Variants in DOCK7 observed in about 807,000 individuals in gnomAD.
DOCK7 encodes the protein dedicator of cytokinesis 7.
DOCK7 carries 138 observed loss-of-function variants against 271.0 expected under a neutral mutation model. The ratio of observed to expected loss-of-function variants is 0.51; its 90% CI spans 0.44 to 0.59. The LOEUF is 0.59. DOCK7 is among the 20% of genes least tolerant of loss of function. The pLI is 0.00. For missense variants in DOCK7, 2,066 were observed against 2,592.4 expected, an observed-to-expected ratio of 0.80 and a Z score of 4.41; for synonymous variants, 823 against 876.1, an observed-to-expected ratio of 0.94 and a Z score of 1.07.
chr1:62,466,875 G>A (rs563192215), intron 48 of DOCK7, among the ~76,000 whole-genome samples: 4 of 151,908 alleles, frequency 2.6e-5, no homozygotes, highest in African/African-American at 4.8e-5. Context: ...CCGAGATCGC[G>A]CCATTGCAAT....
rs1647241767 is a variant in DOCK7 at position 62,584,169 on chromosome 1, G to A, written c.1801-915C>T. On this transcript the variant is annotated intron_variant, in intron 15 of 49. Transcript: ENST00000635253. ...ATTGGCATCATCCTTAATTAGAAGG[G>A]CATATTAGCAGGTATTTCTGTTTCT... 12 of 983,762 alleles carry A rather than the reference G, an allele frequency of 1.2e-5. No homozygotes were observed. In the South Asian group the frequency reaches 5.6e-4, roughly 46 times the overall value. The allele number at this position is 983,762 out of a possible 1,614,324, so 60.9% of individuals were successfully genotyped here.
intron 10 of DOCK7, among the ~76,000 whole-genome samples, chr1:62,632,444 T>C (rs1248468386): frequency 6.6e-6 from 1 of 152,150 alleles, no homozygotes; most frequent in African/African-American, 2.4e-5. Flanking sequence ...AAATATCATG[T>C]GCTCAGATCT....
At chr1:62,581,687 A>C (rs1217257256) in intron 16 of DOCK7, among the ~76,000 whole-genome samples, 1 of 152,148 alleles carries the variant, frequency 6.6e-6, no homozygotes, top group African/African-American at 2.4e-5. Context: ...AATGAGGGTT[A>C]AGGGCAAAAC....
At chr1:62,645,704 A>G (rs1037952728) in intron 7 of DOCK7, among the ~76,000 whole-genome samples, 12 of 152,342 alleles carry the variant, frequency 7.9e-5, no homozygotes, top group African/African-American at 2.6e-4. Flanking sequence ...CTGAATATAC[A>G]CTGAGTGAAC....
intron 28 of DOCK7, among the ~76,000 whole-genome samples, chr1:62,536,107 T>TAA (rs1645337448): frequency 4.6e-5 from 7 of 152,194 alleles, no homozygotes; most frequent in African/African-American, 1.7e-4. Flanking sequence ...CATTTTGTTG[T>TAA]CTGAGTTTTT....
chr1:62,517,884 G>C (rs1157422518), intron 31 of DOCK7, among the ~76,000 whole-genome samples: 1 of 152,160 alleles, frequency 6.6e-6, no homozygotes, highest in Non-Finnish European at 1.5e-5. Flanking sequence ...TCTACAGAGT[G>C]ACGTAAAGGA....
At chr1:62,550,319 T>C (rs1200148125) in intron 22 of DOCK7, among the ~76,000 whole-genome samples, 2 of 152,074 alleles carry the variant, frequency 1.3e-5, no homozygotes. Context: ...AGAAGAGTAT[T>C]AGGCAGTAGA....
At chr1:62,507,560 C>T (rs1323158394) in intron 35 of DOCK7, among the ~76,000 whole-genome samples, 1 of 152,214 alleles carries the variant, frequency 6.6e-6, no homozygotes. Context: ...TAGGACCCAA[C>T]ACAATGATTA....
At chr1:62,469,597 C>T (rs749005158) in intron 48 of DOCK7, among the ~76,000 whole-genome samples, 6 of 152,122 alleles carry the variant, frequency 3.9e-5, no homozygotes, top group Non-Finnish European at 8.8e-5. Flanking sequence ...TTTTGTATGG[C>T]AAAAGGAACA....
intron 37 of DOCK7, among the ~76,000 whole-genome samples, chr1:62,503,973 G>A (rs1305101038): frequency 1.3e-5 from 2 of 151,562 alleles, no homozygotes; most frequent in African/African-American, 4.8e-5. Context: ...CGTGAACCCA[G>A]GAGGCGGAGC....
At chr1:62,600,658 GC>G (rs1482307373) in intron 14 of DOCK7, among the ~76,000 whole-genome samples, 1 of 151,674 alleles carries the variant, frequency 6.6e-6, no homozygotes, top group Non-Finnish European at 1.5e-5. Context: ...TATCAAGAAA[GC>G]CTGGTTCAAA....
At chr1:62,469,521 A>C (rs1289723094) in intron 48 of DOCK7, among the ~76,000 whole-genome samples, 1 of 152,228 alleles carries the variant, frequency 6.6e-6, no homozygotes, top group Non-Finnish European at 1.5e-5. Context: ...TTTCATGACC[A>C]AGAACTCAAA....
At chr1:62,641,964 G>C (rs1025141340) in intron 7 of DOCK7, among the ~76,000 whole-genome samples, 1 of 150,966 alleles carries the variant, frequency 6.6e-6, no homozygotes, top group African/African-American at 2.4e-5. Context: ...TGGATTGCCT[G>C]TTCTTTAATA....
chr1:62,495,802 G>T, intron 38 of DOCK7, 121 bp from the exon 39 acceptor site: 1 of 770,072 alleles, frequency 1.3e-6, no homozygotes, highest in Non-Finnish European at 2.0e-6. Flanking sequence ...GTAGGATACT[G>T]ATATGATTCT....
chr1:62,563,368 C>G (rs1406571986), intron 18 of DOCK7, among the ~76,000 whole-genome samples: 2 of 152,058 alleles, frequency 1.3e-5, no homozygotes, highest in Non-Finnish European at 2.9e-5. Flanking sequence ...CTAGGAAACT[C>G]TCAACTGAAA....
intron 15 of DOCK7, among the ~76,000 whole-genome samples, chr1:62,585,170 T>C (rs1039128489): frequency 2.6e-5 from 4 of 152,134 alleles, no homozygotes; most frequent in Non-Finnish European, 5.9e-5. Context: ...ATGTATTATA[T>C]GCAATAATCT....
intron 31 of DOCK7, among the ~76,000 whole-genome samples, chr1:62,525,397 CA>C (rs1455595957): frequency 1.3e-5 from 2 of 152,092 alleles, no homozygotes; most frequent in African/African-American, 2.4e-5. Flanking sequence ...TGAGAAAGGG[CA>C]TGCTAAGAAC....
In DOCK7 at chr1:62,477,691, A is replaced by G. The variant is rs1344383744; in HGVS notation, c.5634+9T>C. 1.3e-6 allele frequency: 2 copies of G among 1,592,618 alleles called. No individual in the cohort carries two copies. The highest frequency in any genetic ancestry group is 1.7e-6 in the Non-Finnish European group (2 of 1,172,296). On this transcript the variant is annotated intron_variant, in intron 44 of 49. Coordinates refer to ENST00000635253, the MANE Select transcript of DOCK7 (RefSeq NM_001367561.1). ...AAGATGACATTTTATGAACCACCAC[A>G]GCATTCACCTCCAATCTGTGAGATA...
At chr1:62,465,481 TA>T (rs60628704) in intron 48 of DOCK7, among the ~76,000 whole-genome samples, 144,523 of 149,688 alleles carry the variant, frequency 0.97, 69,935 homozygotes, top group East Asian at 1. Flanking sequence ...AAGAACACTG[TA>T]AAAAAAAAAA....
Sources: gnomAD v4.1 joint callset for allele counts (sites outside exome capture counted in the v4.1 genomes callset) on GRCh38, gnomAD v4.1.1 for gene constraint, MANE v1.5 for transcripts, NCBI Gene and HGNC (gene_info 2026-07-23, HGNC 2026-07-21) for gene names.